FNBP1: variants seen among roughly 807,000 people sequenced by gnomAD.
FNBP1 encodes formin-binding protein 1.
Under a neutral mutation model 90.6 loss-of-function variants are expected in FNBP1, and 26 were observed. That is an observed-to-expected ratio of 0.29 (90% confidence interval 0.21 to 0.40). FNBP1 has a LOEUF of 0.40. Ranked by LOEUF, FNBP1 falls within the 10% of genes least tolerant of loss-of-function variation. The probability of loss-of-function intolerance (pLI) is 1.00; values close to 1 mark genes in which losing one functional copy is unlikely to be tolerated. For synonymous variants in FNBP1, 260 were observed against 265.2 expected, an observed-to-expected ratio of 0.98 and a Z score of 0.19; for missense variants, 635 against 768.0, an observed-to-expected ratio of 0.83 and a Z score of 2.05.
intron 4 of FNBP1, among the ~76,000 whole-genome samples, chr9:129,977,484 A>AT (rs34068585): frequency 5.0e-4 from 69 of 139,302 alleles, no homozygotes; most frequent in Middle Eastern, 3.7e-3. Context: ...ACAAGCACTA[A>AT]TTTTTTTTTT....
At chr9:130,001,783 G>C (rs2054891056) in intron 1 of FNBP1, among the ~76,000 whole-genome samples, 1 of 151,988 alleles carries the variant, frequency 6.6e-6, no homozygotes, top group African/African-American at 2.4e-5. Context: ...CAGCACTTTG[G>C]GAGGCCAAGG....
intron 10 of FNBP1, among the ~76,000 whole-genome samples, chr9:129,918,622 C>T (rs1440294498): frequency 6.6e-6 from 1 of 152,178 alleles, no homozygotes; most frequent in Non-Finnish European, 1.5e-5. Flanking sequence ...TAGGAGATCG[C>T]TCACGCTTCC....
At position 129,900,305 on chromosome 9, in the gene FNBP1, C is replaced by A. The variant is rs568304704; in HGVS notation, c.1550+121G>T. 105 of 1,185,412 alleles carry A rather than the reference C, an allele frequency of 8.9e-5. No individual in the cohort carries two copies. Among genetic ancestry groups the A allele is most frequent in the Non-Finnish European group, 1.2e-4 (102 of 877,116 alleles). 73.4% of individuals were successfully genotyped at this position (1,185,412 alleles called of 1,614,324 possible). ...ATCATGGAAAAAGTGACAGGTCAAT[C>A]GCAACAGACATTTTGGCATTGAACA... is the stretch of plus-strand genomic sequence containing the variant. On this transcript the variant is annotated intron_variant, in intron 14 of 16. Transcript: ENST00000446176. The surrounding 1 kb of genome is among the most constrained non-coding windows in gnomAD (Gnocchi z 4.1).
In FNBP1 at chr9:129,888,541, C is replaced by G. The variant is rs77261285; in HGVS notation, c.*1998G>C. ...TCCTGCGTGACTGATGGGTGCACCA[C>G]GCTTAGGTCACCCGTTGCAGGGACC... On this transcript the variant is annotated 3_prime_UTR_variant, in exon 17 of 17. Transcript: ENST00000446176. The G allele has an allele frequency of 4.3e-5, 10 of 232,884 alleles. No individual in the cohort carries two copies. The highest frequency in any genetic ancestry group is 7.6e-5 in the Non-Finnish European group (9 of 117,860). The allele number at this position is 232,884 out of a possible 1,614,324, so 14.4% of individuals were successfully genotyped here.
intron 1 of FNBP1, among the ~76,000 whole-genome samples, chr9:130,000,386 G>A (rs2131418578): frequency 6.6e-6 from 1 of 152,224 alleles, no homozygotes; most frequent in Non-Finnish European, 1.5e-5. Context: ...AGCTACTCGG[G>A]AGGCTGAGGC....
intron 4 of FNBP1, among the ~76,000 whole-genome samples, chr9:129,971,333 C>G (rs2049422145): frequency 6.6e-6 from 1 of 152,104 alleles, no homozygotes; most frequent in Admixed American, 6.5e-5. Flanking sequence ...GAATAAAAAG[C>G]ATCTTTTCTC....
intron 4 of FNBP1, among the ~76,000 whole-genome samples, chr9:129,961,829 G>A (rs1036738056): frequency 2.6e-5 from 4 of 152,176 alleles, no homozygotes; most frequent in East Asian, 3.9e-4. Context: ...CAAGTGATCC[G>A]CTTGCCTCGG....
At chr9:130,021,377 A>G (rs2131914643) in intron 1 of FNBP1, among the ~76,000 whole-genome samples, 1 of 152,322 alleles carries the variant, frequency 6.6e-6, no homozygotes, top group African/African-American at 2.4e-5. Flanking sequence ...ATTACTGTAA[A>G]GTATTTTTAA....
At chr9:129,938,891 C>T (rs553995875) in intron 6 of FNBP1, among the ~76,000 whole-genome samples, 1 of 152,234 alleles carries the variant, frequency 6.6e-6, no homozygotes, top group South Asian at 2.1e-4. Context: ...TGATGGTTTC[C>T]AAGACTTGGC....
chr9:130,012,475 G>A (rs921157614), intron 1 of FNBP1, among the ~76,000 whole-genome samples: 7 of 151,952 alleles, frequency 4.6e-5, no homozygotes, highest in Non-Finnish European at 1.0e-4. Context: ...TATCTATCGG[G>A]AAAAATGAGA....
In FNBP1 at chr9:130,042,633, C is replaced by T. The variant is rs1277938623; in HGVS notation, c.24+319G>A. 6.6e-6 allele frequency among the ~76,000 whole-genome samples: 1 copy of T among 151,716 alleles called. No individual in the cohort carries two copies. The highest frequency in any genetic ancestry group is 2.4e-5 in the African/African-American group (1 of 41,388). On this transcript the variant is annotated intron_variant, in intron 1 of 16. Coordinates refer to ENST00000446176, the MANE Select transcript of FNBP1 (RefSeq NM_015033.3). This position sits in a 1 kb window ranked among gnomAD's most constrained non-coding sequence, Gnocchi z 5.5. ...CCTCCCCGGGCATCCGCGGCTCGCC[C>T]CGGGGGATTAGGGCTCGGCCCGACA...
chr9:129,919,014 C>A, intron 10 of FNBP1: 1 of 48,540 alleles, frequency 2.1e-5, no homozygotes, highest in Non-Finnish European at 4.6e-5. Flanking sequence ...TTTTTTTTTT[C>A]CTGGTGTCCA....
chr9:129,968,072 C>G (rs1263489347), intron 4 of FNBP1, among the ~76,000 whole-genome samples: 1 of 150,952 alleles, frequency 6.6e-6, no homozygotes, highest in East Asian at 1.9e-4. Flanking sequence ...TTTTAATGAA[C>G]AGAATGCCAC....
At chr9:130,010,764 C>CTTT (rs111591184) in intron 1 of FNBP1, among the ~76,000 whole-genome samples, 1,823 of 140,540 alleles carry the variant, frequency 0.013, 26 homozygotes, top group Middle Eastern at 0.052. Context: ...TTCTTTGGGT[C>CTTT]TTTTTTTTTT....
At chr9:129,903,460 TGGAAATTCTCTATA>T (rs998863480) in intron 12 of FNBP1, among the ~76,000 whole-genome samples, 60 of 152,308 alleles carry the variant, frequency 3.9e-4, no homozygotes, top group African/African-American at 1.3e-3. Flanking sequence ...GCTTCCATTC[TGGAAATTCTCTATA>T]GGAATTCTGC....
In FNBP1 at chr9:129,919,556, C is replaced by T. The variant is rs2295953; in HGVS notation, c.1171-3576G>A. On this transcript the variant is annotated intron_variant, in intron 10 of 16. Transcript: ENST00000446176. The stretch of plus-strand genomic sequence containing the variant: ...AATGAAACAATGGTTAATGTTCTGG[C>T]GGCATCTCTAAACATATTCAGTGAA... 7.6e-4 allele frequency among the ~76,000 whole-genome samples: 116 copies of T among 152,244 alleles called. 1 individual carries two copies. The East Asian group carries it at 0.02, about 26-fold the overall frequency.
chr9:130,018,686 G>A (rs551210418), intron 1 of FNBP1, among the ~76,000 whole-genome samples: 32 of 151,698 alleles, frequency 2.1e-4, no homozygotes, highest in South Asian at 4.2e-4. Context: ...CAAGTCACCC[G>A]CCCATCTCTG....
intron 12 of FNBP1, among the ~76,000 whole-genome samples, chr9:129,907,930 T>G (rs1409738932): frequency 6.6e-6 from 1 of 151,968 alleles, no homozygotes; most frequent in Non-Finnish European, 1.5e-5. Flanking sequence ...GGTTTCACCG[T>G]GTTAGCCAGG....
chr9:129,983,601 G>A (rs191439017), intron 2 of FNBP1, among the ~76,000 whole-genome samples: 17 of 152,010 alleles, frequency 1.1e-4, no homozygotes, highest in African/African-American at 2.9e-4. Context: ...CAGGTGGATC[G>A]GGAGTTCGAG....
Sources: allele counts gnomAD v4.1 joint callset (sites outside exome capture counted in the v4.1 genomes callset), GRCh38; gene constraint gnomAD v4.1.1; non-coding constraint Gnocchi (gnomAD v3.1); transcripts MANE v1.5; gene names NCBI Gene and HGNC (gene_info 2026-07-23, HGNC 2026-07-21).